The following OLFM3 variants were observed in gnomAD, a reference collection of about 807,000 sequenced individuals.
The protein encoded by OLFM3 is noelin-3.
In OLFM3, 20 loss-of-function variants were observed where a neutral mutation model predicts 48.6. That is an observed-to-expected ratio of 0.41 (90% confidence interval 0.29 to 0.60). The LOEUF (loss-of-function observed/expected upper bound fraction) is 0.60, where lower values mean the gene tolerates loss of function less well. OLFM3 is among the 20% of genes least tolerant of loss of function. OLFM3 has a pLI of 0.28. For synonymous variants in OLFM3, 222 were observed against 198.1 expected, an observed-to-expected ratio of 1.12 and a Z score of -1.01; for missense variants, 437 against 544.3, an observed-to-expected ratio of 0.80 and a Z score of 1.96.
At chr1:101,899,511 G>A (rs1658320738) in intron 1 of OLFM3, among the ~76,000 whole-genome samples, 1 of 152,170 alleles carries the variant, frequency 6.6e-6, no homozygotes, top group African/African-American at 2.4e-5. Flanking sequence ...CACTCAAGCA[G>A]GTAGGATTCC....
intron 2 of OLFM3, among the ~76,000 whole-genome samples, chr1:101,833,517 A>T (rs765833762): frequency 4.6e-5 from 7 of 152,222 alleles, no homozygotes; most frequent in Non-Finnish European, 7.3e-5. Flanking sequence ...TTGTTGGCTT[A>T]TCTCTGCGGT....
chr1:101,804,514 A>G lies in OLFM3; in HGVS notation c.1101T>C (p.Thr367=). The G allele has an allele frequency of 1.2e-6, 2 of 1,612,760 alleles. No homozygotes were observed. The highest frequency in any genetic ancestry group is 1.7e-6 in the Non-Finnish European group (2 of 1,179,178). Residue 367 remains threonine (T), a synonymous_variant, in exon 6 of 6, where the codon ACT becomes ACC. Coordinates refer to ENST00000370103, the MANE Select transcript of OLFM3 (RefSeq NM_058170.4). This position sits in a 1 kb window ranked among gnomAD's most constrained non-coding sequence, Gnocchi z 4.5. Reference sequence around the variant, plus strand: ...CCCCTGCACTTCTCTTGGGGTAGCCAGTGCTCCAGCTCTTCATCACCTCCA... The same window carrying G: ...CCCCTGCACTTCTCTTGGGGTAGCCGGTGCTCCAGCTCTTCATCACCTCCA... ...DTLEVMKSWS[T]GYPKRSAGES...
chr1:101,804,321 C>T lies in OLFM3; in HGVS notation c.1294G>A (p.Ala432Thr). ...SMLDYNARDR[A>T]LYAWNNGHQV... The stretch of plus-strand genomic sequence containing the variant: ...TGGCCATTGTTCCAGGCATAGAGAG[C>T]TCGATCTCTTGCATTGTAGTCAAGC... The change falls in exon 6 of 6, where the codon GCT becomes ACT. Residue 432 changes from alanine to threonine, a missense_variant. By Grantham distance (58) the Ala-to-Thr change is moderately conservative. Coordinates refer to ENST00000370103, the MANE Select transcript of OLFM3 (RefSeq NM_058170.4). This position sits in a 1 kb window ranked among gnomAD's most constrained non-coding sequence, Gnocchi z 4.5. The T allele has an allele frequency of 1.9e-6, 3 of 1,612,190 alleles. No individual in the cohort carries two copies. The highest frequency in any genetic ancestry group is 1.7e-6 in the Non-Finnish European group (2 of 1,178,820).
chr1:101,810,521 T>C (rs1009874790), intron 4 of OLFM3, among the ~76,000 whole-genome samples: 7 of 151,972 alleles, frequency 4.6e-5, no homozygotes, highest in Non-Finnish European at 1.0e-4. Context: ...TTGAAATAGC[T>C]GCAAAAATTT....
chr1:101,880,352 T>TA (rs1306020533), intron 1 of OLFM3, among the ~76,000 whole-genome samples: 1 of 151,684 alleles, frequency 6.6e-6, no homozygotes, highest in African/African-American at 2.4e-5. Context: ...TCTAGCTTAC[T>TA]AAAAAAAGAG....
intron 1 of OLFM3, among the ~76,000 whole-genome samples, chr1:101,866,508 T>C (rs980710993): frequency 6.6e-6 from 1 of 152,118 alleles, no homozygotes; most frequent in Non-Finnish European, 1.5e-5. Flanking sequence ...AAAGCGTAAG[T>C]AGTTTGTTAA....
At chr1:101,846,340 GT>G (rs1371040176) in intron 1 of OLFM3, among the ~76,000 whole-genome samples, 7 of 152,226 alleles carry the variant, frequency 4.6e-5, no homozygotes, top group Admixed American at 3.3e-4. Flanking sequence ...AAATTGGCGA[GT>G]TTTTTCATTC....
At chr1:101,865,539 G>A (rs1656826377) in intron 1 of OLFM3, among the ~76,000 whole-genome samples, 1 of 152,122 alleles carries the variant, frequency 6.6e-6, no homozygotes, top group South Asian at 2.1e-4. Flanking sequence ...CCACATGTGG[G>A]AGGATATTGG....
intron 1 of OLFM3, among the ~76,000 whole-genome samples, chr1:101,876,781 A>T (rs1255499435): frequency 6.6e-6 from 1 of 151,960 alleles, no homozygotes; most frequent in Non-Finnish European, 1.5e-5. Flanking sequence ...AGAAGACTGC[A>T]TGGTTTTTCC....
At chr1:101,957,907 G>C (rs1038186086) in intron 1 of OLFM3, among the ~76,000 whole-genome samples, 12 of 151,992 alleles carry the variant, frequency 7.9e-5, no homozygotes, top group Admixed American at 7.2e-4. Context: ...GGATAGGGAG[G>C]GTGATAACAT....
chr1:101,961,836 G>A (rs761732829), intron 1 of OLFM3, among the ~76,000 whole-genome samples: 21 of 151,986 alleles, frequency 1.4e-4, no homozygotes, highest in Admixed American at 2.6e-4. Flanking sequence ...TAAAAAAATC[G>A]AAAGAAAGAA....
chr1:101,883,356 C>CAT (rs929404202), intron 1 of OLFM3, among the ~76,000 whole-genome samples: 45 of 150,602 alleles, frequency 3.0e-4, no homozygotes, highest in Admixed American at 2.3e-3. Context: ...CACACACACA[C>CAT]ATATATACAC....
chr1:101,878,759 A>G (rs1185145146), intron 1 of OLFM3, among the ~76,000 whole-genome samples: 2 of 151,940 alleles, frequency 1.3e-5, no homozygotes, highest in African/African-American at 4.8e-5. Flanking sequence ...AGACAGCTTT[A>G]GAAAACAGAA....
chr1:101,806,392 T>A (rs1453394144), intron 4 of OLFM3, among the ~76,000 whole-genome samples: 2 of 151,782 alleles, frequency 1.3e-5, no homozygotes, highest in Non-Finnish European at 2.9e-5. Context: ...TGCTCCAAAT[T>A]TTAAACATAA....
intron 1 of OLFM3, among the ~76,000 whole-genome samples, chr1:101,931,609 G>A (rs530836613): frequency 6.6e-6 from 1 of 152,316 alleles, no homozygotes; most frequent in East Asian, 1.9e-4. Flanking sequence ...CACAGAAAAT[G>A]AGAATAGGGT....
At chr1:101,910,069 C>T in intron 1 of OLFM3, 3 of 985,578 alleles carry the variant, frequency 3.0e-6, no homozygotes, top group Non-Finnish European at 3.6e-6. Flanking sequence ...CTGCTTTCCT[C>T]CTTCTGCTTC....
At position 101,804,298 on chromosome 1, in the gene OLFM3, G is replaced by A; in HGVS notation, c.1317C>T (p.Gly439=). 1 of 1,611,388 alleles carries A rather than the reference G, an allele frequency of 6.2e-7. No individual in the cohort carries two copies. The highest frequency in any genetic ancestry group is 8.5e-7 in the Non-Finnish European group (1 of 1,178,410). ...RDRALYAWNN[G]HQVLFNVTLF... ...GGGTGACATTGAACAGCACCTGGTG[G>A]CCATTGTTCCAGGCATAGAGAGCTC... Residue 439 remains glycine (G), a synonymous_variant, in exon 6 of 6, where the codon GGC becomes GGT. Transcript: ENST00000370103. The surrounding 1 kb of genome is among the most constrained non-coding windows in gnomAD (Gnocchi z 4.5).
intron 1 of OLFM3, among the ~76,000 whole-genome samples, chr1:101,977,779 G>T (rs1214282770): frequency 6.6e-6 from 1 of 151,920 alleles, no homozygotes; most frequent in East Asian, 1.9e-4. Context: ...AAGGGTCTTT[G>T]TGGTTTCTTT....
At chr1:101,816,480 TTG>T in intron 4 of OLFM3, among the ~76,000 whole-genome samples, 1 of 152,306 alleles carries the variant, frequency 6.6e-6, no homozygotes. Flanking sequence ...TTTATAATTT[TTG>T]TGTGTGAGTG....
Sources: gnomAD v4.1 joint callset for allele counts (sites outside exome capture counted in the v4.1 genomes callset) on GRCh38, gnomAD v4.1.1 for gene constraint, Gnocchi (gnomAD v3.1) non-coding constraint, MANE v1.5 for transcripts, NCBI Gene and HGNC (gene_info 2026-07-23, HGNC 2026-07-21) for gene names.